Variants in CAMK2D observed in about 807,000 individuals in gnomAD.
The protein encoded by CAMK2D is calcium/calmodulin dependent protein kinase II delta.
A neutral mutation model predicts 84.0 loss-of-function variants in CAMK2D; 37 were observed. The ratio of observed to expected loss-of-function variants is 0.44; its 90% CI spans 0.34 to 0.58. The LOEUF (loss-of-function observed/expected upper bound fraction) is 0.58. CAMK2D is among the 20% of genes least tolerant of loss of function. CAMK2D has a pLI of 0.02. For missense variants in CAMK2D, 448 were observed against 652.5 expected, an observed-to-expected ratio of 0.69 and a Z score of 3.41; for synonymous variants, 202 against 212.5, an observed-to-expected ratio of 0.95 and a Z score of 0.43.
At chr4:113,521,316 A>G (rs1238032701) in intron 8 of CAMK2D, among the ~76,000 whole-genome samples, 1 of 152,106 alleles carries the variant, frequency 6.6e-6, no homozygotes, top group African/African-American at 2.4e-5. Flanking sequence ...TTGATTCTCA[A>G]TTGCCCCATC....
chr4:113,752,604 G>A (rs2099619885), intron 2 of CAMK2D, among the ~76,000 whole-genome samples: 1 of 152,066 alleles, frequency 6.6e-6, no homozygotes, highest in African/African-American at 2.4e-5. Flanking sequence ...TCGGTTAAGG[G>A]CTGAGTTTTA....
At chr4:113,625,332 T>C (rs114071174) in intron 3 of CAMK2D, among the ~76,000 whole-genome samples, 1 of 152,096 alleles carries the variant, frequency 6.6e-6, no homozygotes, top group South Asian at 2.1e-4. Flanking sequence ...AGAAGACTGA[T>C]CAATATTAAG....
At chr4:113,525,133 CAAG>C (rs2098406463) in intron 8 of CAMK2D, among the ~76,000 whole-genome samples, 1 of 152,116 alleles carries the variant, frequency 6.6e-6, no homozygotes, top group African/African-American at 2.4e-5. Flanking sequence ...ATTCACCACA[CAAG>C]AAAAGAAGAA....
intron 7 of CAMK2D, among the ~76,000 whole-genome samples, chr4:113,535,555 C>T (rs2098483989): frequency 6.6e-6 from 1 of 152,072 alleles, no homozygotes; most frequent in Admixed American, 6.6e-5. Context: ...CCAAATCCTT[C>T]AAAAAAACAT....
At chr4:113,706,535 C>CT (rs1257979873) in intron 2 of CAMK2D, among the ~76,000 whole-genome samples, 1 of 152,102 alleles carries the variant, frequency 6.6e-6, no homozygotes, top group African/African-American at 2.4e-5. Flanking sequence ...ATTTTATAAA[C>CT]TATATAGGCT....
chr4:113,618,112 T>C (rs899302014), intron 3 of CAMK2D, among the ~76,000 whole-genome samples: 3 of 152,212 alleles, frequency 2.0e-5, no homozygotes, highest in African/African-American at 7.2e-5. Context: ...TGAATATGGC[T>C]AATAAATAGT....
At chr4:113,510,920 T>C (rs932213934) in intron 12 of CAMK2D, among the ~76,000 whole-genome samples, 22 of 152,134 alleles carry the variant, frequency 1.4e-4, no homozygotes, top group African/African-American at 5.3e-4. Context: ...CCTTAGCCAT[T>C]ATATTGTTTG....
At chr4:113,600,225 C>A (rs1326135281) in intron 4 of CAMK2D, among the ~76,000 whole-genome samples, 2 of 152,112 alleles carry the variant, frequency 1.3e-5, no homozygotes, top group African/African-American at 4.8e-5. Context: ...GAACGTCACA[C>A]ATTTTTAAAA....
intron 2 of CAMK2D, among the ~76,000 whole-genome samples, chr4:113,750,740 G>A (rs1395941409): frequency 6.6e-6 from 1 of 152,208 alleles, no homozygotes; most frequent in Admixed American, 6.5e-5. Flanking sequence ...GGCACAGTGA[G>A]TAGCTCACGC....
At chr4:113,563,463 C>T (rs1406078959) in intron 4 of CAMK2D, among the ~76,000 whole-genome samples, 2 of 152,048 alleles carry the variant, frequency 1.3e-5, no homozygotes, top group East Asian at 3.8e-4. Flanking sequence ...TTTGGTTCTT[C>T]CTATATTTTC....
chr4:113,462,276 GTGTGTGTGTGTGTGTGTGTCTGTC>G (rs1358924612), intron 17 of CAMK2D, among the ~76,000 whole-genome samples: 3 of 66,854 alleles, frequency 4.5e-5, no homozygotes, highest in African/African-American at 2.0e-4. Context: ...ATGTGTGTGT[GTGTGTGTGTGTGTGTGTGTCTGTC>G]TGTCTGTCTG....
rs2097279925 is a variant in CAMK2D at position 113,454,360 on chromosome 4, T to C, written c.*185A>G. The C allele has an allele frequency of 3.6e-6, 2 of 559,854 alleles. No homozygotes were observed. The highest frequency in any genetic ancestry group is 2.6e-5 in the South Asian group (1 of 38,530). 34.7% of individuals were successfully genotyped at this position (559,854 alleles called of 1,614,324 possible). ...TGTAAACAATGTATAGGAAGGAATA[T>C]ATGATAAGATGATGCATCACATATG... On this transcript the variant is annotated 3_prime_UTR_variant, in exon 21 of 21. Transcript: ENST00000511664.
At chr4:113,681,127 C>A (rs769607329) in intron 2 of CAMK2D, among the ~76,000 whole-genome samples, 27 of 152,192 alleles carry the variant, frequency 1.8e-4, no homozygotes, top group Non-Finnish European at 3.7e-4. Context: ...AGCTATATTT[C>A]TTTCCCTTTA....
At chr4:113,735,538 A>C (rs1024904047) in intron 2 of CAMK2D, among the ~76,000 whole-genome samples, 1 of 152,150 alleles carries the variant, frequency 6.6e-6, no homozygotes, top group Non-Finnish European at 1.5e-5. Context: ...ACAGAGATCA[A>C]TAAAGTATAT....
At chr4:113,504,792 A>G (rs1196618089) in intron 14 of CAMK2D, among the ~76,000 whole-genome samples, 184 bp downstream of exon 14, 1 of 151,850 alleles carries the variant, frequency 6.6e-6, no homozygotes, top group Admixed American at 6.6e-5. Context: ...CTTAACCAAA[A>G]AAAACCAAAA....
chr4:113,525,672 T>C (rs1247012594), intron 8 of CAMK2D, among the ~76,000 whole-genome samples: 2 of 152,196 alleles, frequency 1.3e-5, no homozygotes, highest in South Asian at 2.1e-4. Context: ...AGGCTTGTTT[T>C]AGTCATTATA....
At chr4:113,578,939 GACAA>G (rs2098796291) in intron 4 of CAMK2D, among the ~76,000 whole-genome samples, 1 of 151,712 alleles carries the variant, frequency 6.6e-6, no homozygotes, top group Non-Finnish European at 1.5e-5. Flanking sequence ...TCTGAAGAAT[GACAA>G]ACAATTAAAA....
chr4:113,735,827 T>C (rs1290344192), intron 2 of CAMK2D, among the ~76,000 whole-genome samples: 1 of 152,152 alleles, frequency 6.6e-6, no homozygotes, highest in East Asian at 1.9e-4. Context: ...TATATTTATG[T>C]AAATATATTA....
chr4:113,527,058 G>A lies in CAMK2D; in HGVS notation c.601+4158C>T, dbSNP rs557702896. ...TCTGTGTCACATTTTGGTGAGTACT[G>A]CAATATTTCATGAAAGGAAGAGTTA... On this transcript the variant is annotated intron_variant, in intron 8 of 20. Transcript: ENST00000511664. Among the ~76,000 whole-genome samples, 97 of 152,044 alleles carry A rather than the reference G, an allele frequency of 6.4e-4. 4 individuals are homozygous for A. The highest frequency in any genetic ancestry group is 2.1e-3 in the African/African-American group (89 of 41,466).
Sources: allele counts gnomAD v4.1 joint callset (sites outside exome capture counted in the v4.1 genomes callset), GRCh38; gene constraint gnomAD v4.1.1; transcripts MANE v1.5; gene names NCBI Gene and HGNC (gene_info 2026-07-23, HGNC 2026-07-21).